Variants in CDON observed in about 807,000 individuals in gnomAD.
The protein encoded by CDON is cell adhesion molecule-related/down-regulated by oncogenes.
Under a neutral mutation model 120.9 loss-of-function variants are expected in CDON, and 73 were observed. That is an observed-to-expected ratio of 0.60 (90% CI 0.50 to 0.73). The LOEUF (loss-of-function observed/expected upper bound fraction) is 0.73, where lower values mean the gene tolerates loss of function less well. Ranked by LOEUF, CDON falls within the 30% of genes least tolerant of loss-of-function variation. The pLI is 0.00. For synonymous variants in CDON, 566 were observed against 573.5 expected (o/e 0.99, Z 0.19); for missense variants, 1,470 against 1,587.3 (o/e 0.93, Z 1.26).
At position 126,015,370 on chromosome 11, in the gene CDON, G is replaced by A. The variant is rs200614048; in HGVS notation, c.1069C>T (p.Arg357Ter). The change falls in exon 7 of 20, where the codon CGA becomes TGA. Residue 357 changes from arginine to a stop codon, truncating the protein, a stop_gained. Transcript: ENST00000531738. LOFTEE classifies it high-confidence loss of function. ...HNAQPIHPSARHLTAGNGLKI... is the reference protein window; with the variant it reads ...HNAQPIHPSA ...AGTCCGTTTCCTGCAGTTAGATGTC[G>A]TGCAGAAGGATGAATAGGCTGTGCA... is the stretch of plus-strand genomic sequence containing the variant. 8 of 1,614,074 alleles carry A rather than the reference G, an allele frequency of 5.0e-6. No individual in the cohort carries two copies. The highest frequency in any genetic ancestry group is 2.7e-5 in the African/African-American group (2 of 75,020).
chr11:126,030,974 G>C (rs1312522285), intron 1 of CDON, among the ~76,000 whole-genome samples: 1 of 151,992 alleles, frequency 6.6e-6, no homozygotes, highest in Non-Finnish European at 1.5e-5. Context: ...ATCTACTTTG[G>C]GCAAGAACCT....
intron 10 of CDON, 93 bp from the exon 11 acceptor site, chr11:126,001,943 T>C (rs1198414359): frequency 3.3e-6 from 3 of 907,606 alleles, no homozygotes; most frequent in Admixed American, 3.6e-5. Context: ...TGGTATGTGG[T>C]TATAAATTTA....
intron 16 of CDON, 43 bp downstream of exon 16, chr11:125,983,829 C>A (rs760501121): frequency 1.4e-6 from 2 of 1,387,512 alleles, no homozygotes; most frequent in East Asian, 4.6e-5. Flanking sequence ...ATTTGTCTAC[C>A]CACCTTTAGA....
chr11:125,978,792 CAG>C (rs920873319), intron 17 of CDON, among the ~76,000 whole-genome samples: 1 of 152,156 alleles, frequency 6.6e-6, no homozygotes, highest in Non-Finnish European at 1.5e-5. Flanking sequence ...GTTGGAGAAA[CAG>C]GGTGTAAAAC....
chr11:125,958,647 A>C lies in CDON; in HGVS notation c.*2295T>G, dbSNP rs533426965. 6.6e-6 allele frequency: 1 copy of C among 151,864 alleles called. No homozygotes were observed. The highest frequency in any genetic ancestry group is 2.1e-4 in the South Asian group (1 of 4,806). The allele number at this position is 151,864 out of a possible 1,614,324, so 9.4% of individuals were successfully genotyped here. ...TATAAAGGCATTTTTTATAAATAAA[A>C]TACAATAAAAAGAATAACACTTAAA... On this transcript the variant is annotated 3_prime_UTR_variant, in exon 20 of 20. Transcript: ENST00000531738.
chr11:126,036,017 T>C (rs1948085872), intron 1 of CDON, among the ~76,000 whole-genome samples: 1 of 152,038 alleles, frequency 6.6e-6, no homozygotes, highest in Admixed American at 6.5e-5. Flanking sequence ...AAAGAAATAA[T>C]TCACAGACAC....
chr11:125,959,607 A>G lies in CDON; in HGVS notation c.*1335T>C, dbSNP rs1945582576. The G allele has an allele frequency of 6.6e-6, 1 of 150,446 alleles. No individual in the cohort carries two copies. The highest frequency in any genetic ancestry group is 1.5e-5 in the Non-Finnish European group (1 of 67,464). 9.3% of individuals were successfully genotyped at this position (150,446 alleles called of 1,614,324 possible). On this transcript the variant is annotated 3_prime_UTR_variant, in exon 20 of 20. Transcript: ENST00000531738. Reference sequence around the variant, plus strand: ...GGAAAAAAACCCAAAACAAACAAACAAAAAAAAACAAAAAACAAACAAACA... The same window carrying G: ...GGAAAAAAACCCAAAACAAACAAACGAAAAAAAACAAAAAACAAACAAACA...
At chr11:125,977,706 G>A (rs1946184338) in intron 18 of CDON, among the ~76,000 whole-genome samples, 1 of 152,140 alleles carries the variant, frequency 6.6e-6, no homozygotes, top group Middle Eastern at 3.2e-3. Flanking sequence ...TATCCTATGT[G>A]TTAAATGCAC....
chr11:126,057,795 C>G (rs1002920699), intron 1 of CDON, among the ~76,000 whole-genome samples: 1 of 152,144 alleles, frequency 6.6e-6, no homozygotes, highest in African/African-American at 2.4e-5. Context: ...TTCACGTGCC[C>G]GCACTATTAC....
At chr11:125,987,200 G>C (rs1322053486) in intron 15 of CDON, among the ~76,000 whole-genome samples, 2 of 152,174 alleles carry the variant, frequency 1.3e-5, no homozygotes, top group Admixed American at 6.5e-5. Context: ...CAGATGGCTT[G>C]CACTGAAGGG....
At chr11:126,004,775 T>C (rs1947063847) in intron 9 of CDON, among the ~76,000 whole-genome samples, 1 of 152,200 alleles carries the variant, frequency 6.6e-6, no homozygotes. Context: ...ATTAAAAACA[T>C]TACCATTCAA....
At position 125,960,704 on chromosome 11, in the gene CDON, G is replaced by C. The variant is rs1396605073; in HGVS notation, c.*238C>G. The C allele has an allele frequency of 9.5e-6, 5 of 525,548 alleles. No individual in the cohort carries two copies. The highest frequency in any genetic ancestry group is 1.9e-5 in the African/African-American group (1 of 52,180). 32.6% of individuals were successfully genotyped at this position (525,548 alleles called of 1,614,324 possible). A position where few individuals can be genotyped will look rare whatever the true frequency, so the allele number is the denominator to read the frequency against. On this transcript the variant is annotated 3_prime_UTR_variant, in exon 20 of 20. Transcript: ENST00000531738. Reference sequence around the variant, plus strand: ...TGCCCTCCAGGTGACTGAATACTATGCAAAACAAGGTTGTTTCCTACCGAG... The same window carrying C: ...TGCCCTCCAGGTGACTGAATACTATCCAAAACAAGGTTGTTTCCTACCGAG...
At chr11:125,966,394 C>A (rs747987656) in intron 18 of CDON, among the ~76,000 whole-genome samples, 1 of 152,018 alleles carries the variant, frequency 6.6e-6, no homozygotes, top group Non-Finnish European at 1.5e-5. Context: ...TGGGCACAGG[C>A]GAACAGAGGA....
chr11:126,043,563 A>AAGGAT (rs1948324258), intron 1 of CDON, among the ~76,000 whole-genome samples: 1 of 152,160 alleles, frequency 6.6e-6, no homozygotes, highest in Non-Finnish European at 1.5e-5. Flanking sequence ...AAACAAACTT[A>AAGGAT]AGGATAGGTA....
chr11:126,052,644 G>A lies in CDON; in HGVS notation c.-62+9935C>T, dbSNP rs1324076441. Among the ~76,000 whole-genome samples the A allele has an allele frequency of 4.6e-5, 7 of 152,224 alleles. No homozygotes were observed. The South Asian group carries it at 1.0e-3, about 23-fold the overall frequency. The stretch of plus-strand genomic sequence containing the variant: ...TCAAGACCAGCCTGGCCAACATGGC[G>A]AAACCCTGTCCCTACTAAAACTACA... On this transcript the variant is annotated intron_variant, in intron 1 of 19. Transcript: ENST00000531738.
intron 1 of CDON, among the ~76,000 whole-genome samples, chr11:126,029,567 T>C (rs988917990): frequency 2.4e-4 from 37 of 152,246 alleles, no homozygotes; most frequent in Non-Finnish European, 2.5e-4. Context: ...TATATATATA[T>C]ATATGTATCT....
At chr11:126,010,042 G>T (rs866343968) in intron 8 of CDON, among the ~76,000 whole-genome samples, 1 of 152,006 alleles carries the variant, frequency 6.6e-6, no homozygotes, top group Non-Finnish European at 1.5e-5. Flanking sequence ...TATCATTTTC[G>T]GTAGCTTAGA....
At chr11:126,050,495 AACACACACACAC>A (rs10643446) in intron 1 of CDON, among the ~76,000 whole-genome samples, 12 of 143,106 alleles carry the variant, frequency 8.4e-5, no homozygotes, top group South Asian at 2.3e-4. Context: ...GTAAGTAGCA[AACACACACACAC>A]ACACACACAC....
intron 18 of CDON, among the ~76,000 whole-genome samples, chr11:125,971,464 A>C (rs1945997012): frequency 6.6e-6 from 1 of 152,162 alleles, no homozygotes; most frequent in Non-Finnish European, 1.5e-5. Flanking sequence ...TCATCGGAGG[A>C]CATCTGACAT....
Sources: allele counts gnomAD v4.1 joint callset (sites outside exome capture counted in the v4.1 genomes callset), GRCh38; gene constraint gnomAD v4.1.1; transcripts MANE v1.5; gene names NCBI Gene and HGNC (gene_info 2026-07-23, HGNC 2026-07-21).